DCAF1: variants seen among roughly 807,000 people sequenced by gnomAD.
DCAF1 encodes the protein DDB1- and CUL4-associated factor 1.
DCAF1 carries 15 observed loss-of-function variants against 128.0 expected under a neutral mutation model. That is an observed-to-expected ratio of 0.12 (90% CI 0.08 to 0.18). The LOEUF is 0.18. Ranked by LOEUF, DCAF1 falls within the 10% of genes least tolerant of loss-of-function variation. The pLI is 1.00. For missense variants in DCAF1, 988 were observed against 1,649.5 expected (o/e 0.60, Z 6.95); for synonymous variants, 610 against 603.0 (o/e 1.01, Z -0.17).
intron 3 of DCAF1, among the ~76,000 whole-genome samples, chr3:51,479,261 G>A (rs1553651797): frequency 6.6e-6 from 1 of 152,122 alleles, no homozygotes; most frequent in African/African-American, 2.4e-5. Flanking sequence ...AGCACTTCTG[G>A]GAGGCCGAGG....
At chr3:51,504,284 C>T (rs1708889862), upstream of DCAF1, among the ~76,000 whole-genome samples, 1 of 152,060 alleles carries the variant, frequency 6.6e-6, no homozygotes, top group African/African-American at 2.4e-5. Flanking sequence ...GATCCGCCCG[C>T]CTCTGCCTCC....
intron 2 of DCAF1, among the ~76,000 whole-genome samples, chr3:51,487,848 CTATTTATT>C (rs111392432): frequency 1.9e-4 from 28 of 150,054 alleles, no homozygotes; most frequent in African/African-American, 5.2e-4. Context: ...GCCTACCAAA[CTATTTATT>C]TATTTATTTA....
chr3:51,486,875 G>A (rs1460351766), intron 2 of DCAF1, among the ~76,000 whole-genome samples: 2 of 151,808 alleles, frequency 1.3e-5, no homozygotes, highest in African/African-American at 2.4e-5. Flanking sequence ...CTCATGATCC[G>A]CCTGCCTCGG....
chr3:51,486,254 G>A (rs1298375288), intron 2 of DCAF1, among the ~76,000 whole-genome samples: 9 of 148,020 alleles, frequency 6.1e-5, no homozygotes, highest in East Asian at 2.0e-4. Flanking sequence ...GTGCAGTAGC[G>A]CGGTCCCAGC....
chr3:51,465,805 T>C (rs1407561013), intron 5 of DCAF1, among the ~76,000 whole-genome samples: 1 of 152,314 alleles, frequency 6.6e-6, no homozygotes, highest in African/African-American at 2.4e-5. Flanking sequence ...TGGGCCTTCA[T>C]CGTGTGCCAG....
chr3:51,431,925 C>T (rs1208710956), intron 10 of DCAF1, among the ~76,000 whole-genome samples: 2 of 150,850 alleles, frequency 1.3e-5, no homozygotes, highest in Non-Finnish European at 3.0e-5. Flanking sequence ...GGGCTGTGAT[C>T]ACACCACTGC....
At chr3:51,504,454 TCTC>T (rs2108660251), upstream of DCAF1, among the ~76,000 whole-genome samples, 1 of 151,938 alleles carries the variant, frequency 6.6e-6, no homozygotes, top group Admixed American at 6.6e-5. Flanking sequence ...TTCAAGTAAT[TCTC>T]CTGCCTCAGC....
chr3:51,489,681 G>A (rs1479594282), intron 2 of DCAF1, among the ~76,000 whole-genome samples: 1 of 151,958 alleles, frequency 6.6e-6, no homozygotes, highest in African/African-American at 2.4e-5. Flanking sequence ...CAGCTTCGGG[G>A]GAGGCTGAGG....
intron 9 of DCAF1, among the ~76,000 whole-genome samples, chr3:51,434,172 T>A (rs1352099855): frequency 2.8e-4 from 43 of 151,400 alleles, no homozygotes; most frequent in Non-Finnish European, 7.4e-5. Flanking sequence ...GAGGCCAAGG[T>A]GAAAAGACTG....
At chr3:51,431,198 G>T (rs782186202) in intron 10 of DCAF1, among the ~76,000 whole-genome samples, 1 of 152,108 alleles carries the variant, frequency 6.6e-6, no homozygotes, top group African/African-American at 2.4e-5. Context: ...AACCACATAC[G>T]TATGTGTAAC....
intron 6 of DCAF1, among the ~76,000 whole-genome samples, chr3:51,447,584 T>C (rs1241869421): frequency 6.6e-6 from 1 of 152,236 alleles, no homozygotes; most frequent in Non-Finnish European, 1.5e-5. Flanking sequence ...TCTATTCTCT[T>C]CCACTGACAT....
intron 9 of DCAF1, among the ~76,000 whole-genome samples, chr3:51,436,083 G>A (rs1189156720): frequency 6.6e-6 from 1 of 152,174 alleles, no homozygotes; most frequent in Non-Finnish European, 1.5e-5. Context: ...TCTGCTTCAA[G>A]ACGTTGATAA....
At chr3:51,441,242 G>T in intron 8 of DCAF1, 143 bp downstream of exon 8, 1 of 1,224,516 alleles carries the variant, frequency 8.2e-7, no homozygotes, top group Non-Finnish European at 1.1e-6. Context: ...GGAATGACCT[G>T]CATAAGACTT....
At chr3:51,495,618 T>G (rs1708149296) in intron 2 of DCAF1, among the ~76,000 whole-genome samples, 2 of 150,400 alleles carry the variant, frequency 1.3e-5, no homozygotes, top group Non-Finnish European at 3.0e-5. Context: ...AGCAACTGAG[T>G]GTGGTGGCTC....
At chr3:51,483,679 G>A in intron 3 of DCAF1, 40 bp downstream of exon 3, 5 of 1,371,644 alleles carry the variant, frequency 3.6e-6, no homozygotes, top group Non-Finnish European at 5.2e-6. Context: ...TTGTGTCCGA[G>A]GTTTTTTATT....
intron 5 of DCAF1, among the ~76,000 whole-genome samples, chr3:51,465,080 A>G (rs1167323058): frequency 6.6e-6 from 1 of 152,222 alleles, no homozygotes; most frequent in East Asian, 1.9e-4. Context: ...GAAACCAGTG[A>G]AGATGTTATT....
intron 23 of DCAF1, among the ~76,000 whole-genome samples, chr3:51,412,162 C>T (rs1553628621): frequency 6.9e-6 from 1 of 143,902 alleles, no homozygotes; most frequent in Non-Finnish European, 1.5e-5. Flanking sequence ...CTTTAAATTG[C>T]TCTGCAAATG....
chr3:51,440,178 A>C (rs782358086), intron 9 of DCAF1: 1 of 509,594 alleles, frequency 2.0e-6, no homozygotes, highest in Admixed American at 2.1e-5. Context: ...TTCTGTAGAG[A>C]TAGTAAGCCT....
chr3:51,457,458 G>A (rs1703048595), intron 6 of DCAF1, among the ~76,000 whole-genome samples: 1 of 152,178 alleles, frequency 6.6e-6, no homozygotes, highest in Admixed American at 6.6e-5. Flanking sequence ...GAAAGTGACA[G>A]GGAGAATGGA....
Sources: gnomAD v4.1 joint callset for allele counts (sites outside exome capture counted in the v4.1 genomes callset) on GRCh38, gnomAD v4.1.1 for gene constraint, MANE v1.5 for transcripts, NCBI Gene and HGNC (gene_info 2026-07-23, HGNC 2026-07-21) for gene names.